The following AFAP1L2 variants were observed in gnomAD, a reference collection of about 807,000 sequenced individuals.
AFAP1L2 encodes the protein actin filament associated protein 1 like 2.
Under a neutral mutation model 99.3 loss-of-function variants are expected in AFAP1L2, and 46 were observed. That is an observed-to-expected ratio of 0.46 (90% CI 0.37 to 0.59). The LOEUF is 0.59. Ranked by LOEUF, AFAP1L2 falls within the 20% of genes least tolerant of loss-of-function variation. AFAP1L2 has a pLI of 0.00. For missense variants in AFAP1L2, 959 were observed against 1,034.9 expected (o/e 0.93, Z 1.01); for synonymous variants, 397 against 419.1 (o/e 0.95, Z 0.64).
chr10:114,364,124 T>G (rs2052862851), intron 1 of AFAP1L2, among the ~76,000 whole-genome samples: 1 of 152,218 alleles, frequency 6.6e-6, no homozygotes, highest in Non-Finnish European at 1.5e-5. Context: ...CATTCTCCTG[T>G]GCAGGCTGCA....
intron 5 of AFAP1L2, among the ~76,000 whole-genome samples, chr10:114,321,938 G>A (rs906970007): frequency 8.5e-5 from 13 of 152,280 alleles, no homozygotes; most frequent in Admixed American, 2.6e-4. Flanking sequence ...CCCAAATCTC[G>A]TCTTGAATTG....
chr10:114,282,563 C>T, the AFAP1L2 span: 72 of 1,614,032 alleles, frequency 4.5e-5, no homozygotes, highest in East Asian at 1.6e-3. Flanking sequence ...TACAGGACCA[C>T]CTGCCCAGGT....
At chr10:114,312,393 T>C (rs1442339039) in intron 7 of AFAP1L2, among the ~76,000 whole-genome samples, 1 of 152,116 alleles carries the variant, frequency 6.6e-6, no homozygotes, top group African/African-American at 2.4e-5. Flanking sequence ...TGTGTGCATA[T>C]ATGTGTGCAA....
chr10:114,327,147 T>TTTTATATATATATATATATATATATA (rs1364666260), intron 4 of AFAP1L2, among the ~76,000 whole-genome samples: 12 of 54,572 alleles, frequency 2.2e-4, no homozygotes, highest in South Asian at 1.3e-3. Flanking sequence ...TTATATATAT[T>TTTTATATATATATATATATATATATA]TATATATATA....
chr10:114,391,712 GGTCAAGGT>G (rs1414807846), intron 1 of AFAP1L2, among the ~76,000 whole-genome samples: 1 of 152,198 alleles, frequency 6.6e-6, no homozygotes, highest in East Asian at 1.9e-4. Flanking sequence ...TGGCAGCCAG[GGTCAAGGT>G]GTCAAGGCCC....
chr10:114,326,822 C>T (rs2135408922), intron 4 of AFAP1L2, among the ~76,000 whole-genome samples: 1 of 151,966 alleles, frequency 6.6e-6, no homozygotes, highest in East Asian at 1.9e-4. Context: ...GTGTGCCTAT[C>T]ACTATTCAAT....
chr10:114,319,597 AC>A lies in AFAP1L2; in HGVS notation c.406+3573del, dbSNP rs1400220495. 4.7e-6 allele frequency: 6 copies of A among 1,289,586 alleles called. No individual in the cohort carries two copies. The African/African-American group carries it at 9.1e-5, about 20-fold the overall frequency. 79.9% of individuals were successfully genotyped at this position (1,289,586 alleles called of 1,614,324 possible). A position where few individuals can be genotyped will look rare whatever the true frequency, so the allele number is the denominator to read the frequency against. ...CGTGGCATAAATGACTCCTTCGGGC[AC>A]CTGCACCCATCTGGGGACTCCAGTG... On this transcript the variant is annotated intron_variant, in intron 5 of 18. Transcript: ENST00000304129.
At chr10:114,344,559 C>G (rs551637275) in intron 1 of AFAP1L2, among the ~76,000 whole-genome samples, 284 of 152,272 alleles carry the variant, frequency 1.9e-3, no homozygotes, top group African/African-American at 6.5e-3. Flanking sequence ...CAATATGTAC[C>G]AAGCCAAAGG....
At chr10:114,350,327 T>G (rs914676538) in intron 1 of AFAP1L2, among the ~76,000 whole-genome samples, 25 of 152,198 alleles carry the variant, frequency 1.6e-4, no homozygotes, top group African/African-American at 5.6e-4. Context: ...TCAGCCGTCT[T>G]TATTGTTCTC....
intron 1 of AFAP1L2, among the ~76,000 whole-genome samples, chr10:114,352,479 T>TAAAAAAA (rs766929781): frequency 0.71 from 50,835 of 71,158 alleles, 20,386 homozygotes; most frequent in East Asian, 0.92. Flanking sequence ...GTCTCCAAAT[T>TAAAAAAA]AAAAAAAAAA....
At chr10:114,304,962 CAGGGCT>C in intron 10 of AFAP1L2, 32 bp from the exon 11 acceptor site, 1 of 1,535,984 alleles carries the variant, frequency 6.5e-7, no homozygotes, top group Non-Finnish European at 8.8e-7. Flanking sequence ...CAGGAGGGGA[CAGGGCT>C]GCAGGAGGGG....
chr10:114,343,300 C>G (rs1012341625), intron 1 of AFAP1L2, among the ~76,000 whole-genome samples: 2 of 152,200 alleles, frequency 1.3e-5, no homozygotes, highest in African/African-American at 4.8e-5. Context: ...CAGCAACTTG[C>G]CCACCATCCA....
chr10:114,313,977 T>TC lies in AFAP1L2; in HGVS notation c.685dup (p.Glu229GlyfsTer32), dbSNP rs1244855387. ...GTGCTCCTTCTTCCGCACTTGCTTC[T>TC]CCTTGTGAATGACGCTGCTGCCCAG... On this transcript the variant is annotated frameshift_variant, in exon 7 of 19. Coordinates refer to ENST00000304129, the MANE Select transcript of AFAP1L2 (RefSeq NM_001001936.3). LOFTEE classifies it high-confidence loss of function. The TC allele has an allele frequency of 6.2e-7, 1 of 1,614,076 alleles. No individual in the cohort carries two copies. The highest frequency in any genetic ancestry group is 1.7e-5 in the Admixed American group (1 of 60,016).
intron 2 of AFAP1L2, among the ~76,000 whole-genome samples, chr10:114,334,038 G>A (rs147071382): frequency 6.2e-4 from 94 of 152,308 alleles, no homozygotes; most frequent in African/African-American, 2.1e-3. Flanking sequence ...TAGGTAGGGG[G>A]CCATTGGATG....
downstream of AFAP1L2, chr10:114,290,372 G>A: frequency 1.3e-6 from 2 of 1,550,426 alleles, no homozygotes; most frequent in Non-Finnish European, 8.7e-7. Flanking sequence ...AACCGTGAGT[G>A]GAGCTCTTGC....
chr10:114,287,182 C>G, the AFAP1L2 span, among the ~76,000 whole-genome samples: 1 of 152,120 alleles, frequency 6.6e-6, no homozygotes, highest in East Asian at 1.9e-4. Context: ...AGCTGAAACA[C>G]GTCTTTTTTT....
chr10:114,302,258 G>T, intron 12 of AFAP1L2, 81 bp downstream of exon 12: 1 of 1,581,018 alleles, frequency 6.3e-7, no homozygotes, highest in South Asian at 1.1e-5. Flanking sequence ...GCTCCCTGCT[G>T]CCCCTGACTC....
At chr10:114,353,578 G>A (rs1467814115) in intron 1 of AFAP1L2, among the ~76,000 whole-genome samples, 35 of 152,184 alleles carry the variant, frequency 2.3e-4, no homozygotes, top group Admixed American at 2.0e-3. Flanking sequence ...CAAGTTCAGC[G>A]CTCAGAATCA....
In AFAP1L2 at chr10:114,387,027, A is replaced by G. The variant is rs376597825; in HGVS notation, c.16+17413T>C. On this transcript the variant is annotated intron_variant, in intron 1 of 18. Transcript: ENST00000304129. The stretch of plus-strand genomic sequence containing the variant: ...ATCTAATTGTTCATCTCGTCAGCCA[A>G]TCCCAAACACAATTCCACCCAACCC... Among the ~76,000 whole-genome samples the G allele has an allele frequency of 2.6e-5, 4 of 152,294 alleles. No homozygotes were observed. The East Asian group carries it at 5.8e-4, about 22-fold the overall frequency.
Sources: gnomAD v4.1 joint callset for allele counts (sites outside exome capture counted in the v4.1 genomes callset) on GRCh38, gnomAD v4.1.1 for gene constraint, MANE v1.5 for transcripts, NCBI Gene and HGNC (gene_info 2026-07-23, HGNC 2026-07-21) for gene names.